Variants in CSMD1 observed in about 807,000 individuals in gnomAD.
CSMD1 encodes CUB and sushi domain-containing protein 1.
Under a neutral mutation model 417.5 loss-of-function variants are expected in CSMD1, and 213 were observed. That is an observed-to-expected ratio of 0.51 (90% CI 0.46 to 0.57). The LOEUF (loss-of-function observed/expected upper bound fraction) is 0.57, where lower values mean the gene tolerates loss of function less well. CSMD1 is among the 20% of genes least tolerant of loss of function. The probability of loss-of-function intolerance (pLI) is 0.00; values close to 1 mark genes in which losing one functional copy is unlikely to be tolerated. For synonymous variants in CSMD1, 2,862 were observed against 1,736.8 expected (o/e 1.65, Z -16.11); for missense variants, 6,923 against 4,529.7 (o/e 1.53, Z -15.17).
chr8:4,451,995 T>G (rs1045114912), intron 2 of CSMD1, among the ~76,000 whole-genome samples: 11 of 150,100 alleles, frequency 7.3e-5, no homozygotes, highest in African/African-American at 2.7e-4. Flanking sequence ...GTTTGATATA[T>G]ATATAATGAA....
intron 5 of CSMD1, among the ~76,000 whole-genome samples, chr8:3,923,340 A>T (rs1190369257): frequency 1.3e-5 from 2 of 152,056 alleles, no homozygotes; most frequent in African/African-American, 4.8e-5. Flanking sequence ...ATACATCCAC[A>T]TACGTATATT....
intron 3 of CSMD1, among the ~76,000 whole-genome samples, chr8:4,095,505 G>T (rs1193158270): frequency 1.3e-5 from 2 of 152,186 alleles, no homozygotes; most frequent in African/African-American, 4.8e-5. Context: ...ATTTGAAGTG[G>T]AAAGAATGTC....
chr8:4,059,712 C>T (rs994769936), intron 3 of CSMD1, among the ~76,000 whole-genome samples: 4 of 152,130 alleles, frequency 2.6e-5, no homozygotes, highest in Admixed American at 6.6e-5. Flanking sequence ...ATAATTTCCT[C>T]GACACCTACA....
Position 2,960,965 on chromosome 8 carries a change from T to TATATATATATATAC in CSMD1, c.9702+175_9702+176insGTATATATATATAT, listed in dbSNP as rs1462555176. Among the ~76,000 whole-genome samples, 24 of 131,060 alleles carry TATATATATATATAC rather than the reference T, an allele frequency of 1.8e-4. 1 individual carries two copies. Among genetic ancestry groups the TATATATATATATAC allele is most frequent in the African/African-American group, 7.4e-4 (21 of 28,334 alleles). 86.0% of individuals were successfully genotyped at this position (131,060 alleles called of 152,430 possible). ...ATATATATATATATATATATATATA[T>TATATATATATATAC]ACATATATTGATTTTGACAGTTAAA... is the stretch of plus-strand genomic sequence containing the variant. On this transcript the variant is annotated intron_variant, in intron 62 of 69. Transcript: ENST00000635120.
At chr8:3,741,458 G>A (rs918289903) in intron 6 of CSMD1, among the ~76,000 whole-genome samples, 1 of 152,122 alleles carries the variant, frequency 6.6e-6, no homozygotes, top group African/African-American at 2.4e-5. Context: ...TCATGACAGA[G>A]GGAGTAGCAA....
chr8:3,470,251 T>C (rs1346735074), intron 11 of CSMD1, among the ~76,000 whole-genome samples: 2 of 152,236 alleles, frequency 1.3e-5, no homozygotes, highest in Non-Finnish European at 2.9e-5. Flanking sequence ...GTATTCATGT[T>C]ATTGTTTGTA....
chr8:3,013,426 T>C (rs1354835451), intron 52 of CSMD1, among the ~76,000 whole-genome samples: 2 of 152,184 alleles, frequency 1.3e-5, no homozygotes, highest in Admixed American at 6.5e-5. Flanking sequence ...TATGAATGAC[T>C]ACTTTACTTT....
intron 4 of CSMD1, among the ~76,000 whole-genome samples, chr8:3,999,498 G>A (rs767192471): frequency 3.7e-4 from 56 of 152,150 alleles, no homozygotes; most frequent in Admixed American, 2.0e-4. Context: ...CGTCAAAATA[G>A]AACCAATCTT....
At chr8:4,112,039 T>C (rs183460200) in intron 3 of CSMD1, among the ~76,000 whole-genome samples, 45 of 152,302 alleles carry the variant, frequency 3.0e-4, no homozygotes, top group Middle Eastern at 3.4e-3. Flanking sequence ...AAAAATCTAC[T>C]TTATGTTAAC....
intron 5 of CSMD1, among the ~76,000 whole-genome samples, chr8:3,878,938 C>T (rs143901275): frequency 4.1e-4 from 63 of 152,230 alleles, no homozygotes; most frequent in African/African-American, 1.5e-3. Flanking sequence ...CAGAAAATAA[C>T]TTTAATATAT....
chr8:4,925,794 T>G (rs1456528632), intron 1 of CSMD1, among the ~76,000 whole-genome samples: 2 of 152,048 alleles, frequency 1.3e-5, no homozygotes, highest in Non-Finnish European at 2.9e-5. Context: ...TGATCCGCCC[T>G]CCTCGGCCTC....
intron 23 of CSMD1, among the ~76,000 whole-genome samples, chr8:3,336,180 G>A (rs1373540720): frequency 2.0e-5 from 3 of 152,072 alleles, no homozygotes; most frequent in Admixed American, 6.5e-5. Context: ...TAACTGTGGG[G>A]TTTTCATCAG....
At chr8:4,937,750 G>C (rs930911919) in intron 1 of CSMD1, among the ~76,000 whole-genome samples, 1 of 151,670 alleles carries the variant, frequency 6.6e-6, no homozygotes, top group Admixed American at 6.6e-5. Context: ...AGTGTGATCT[G>C]ATCTAGAGAG....
At chr8:3,782,986 G>C (rs1347627400) in intron 5 of CSMD1, among the ~76,000 whole-genome samples, 1 of 152,156 alleles carries the variant, frequency 6.6e-6, no homozygotes, top group Non-Finnish European at 1.5e-5. Flanking sequence ...TTAGCTATAA[G>C]CAAAATTAAG....
chr8:3,197,496 C>T (rs113580454), intron 33 of CSMD1, among the ~76,000 whole-genome samples: 6,171 of 146,142 alleles, frequency 0.042, 420 homozygotes, highest in African/African-American at 0.15. Context: ...GACGGAGTCT[C>T]GCTCTGTCAC....
intron 25 of CSMD1, among the ~76,000 whole-genome samples, chr8:3,293,019 C>T (rs1027319594): frequency 1.3e-5 from 2 of 151,798 alleles, no homozygotes; most frequent in Admixed American, 1.3e-4. Context: ...TAGGGCAGGC[C>T]TGGTGGTGAC....
chr8:3,917,388 C>T (rs985195369), intron 5 of CSMD1, among the ~76,000 whole-genome samples: 3 of 148,752 alleles, frequency 2.0e-5, no homozygotes, highest in African/African-American at 5.0e-5. Context: ...CTTCCCTCTA[C>T]AGGAGTTTGG....
chr8:4,018,346 C>T (rs1020716851), intron 4 of CSMD1, among the ~76,000 whole-genome samples: 50 of 152,158 alleles, frequency 3.3e-4, no homozygotes, highest in African/African-American at 1.1e-3. Flanking sequence ...TCATTTTCAT[C>T]CACAAATAAT....
chr8:3,855,312 TTATC>T (rs1161158464), intron 5 of CSMD1, among the ~76,000 whole-genome samples: 1 of 152,116 alleles, frequency 6.6e-6, no homozygotes, highest in East Asian at 1.9e-4. Flanking sequence ...GCATTAAAAA[TTATC>T]TATATTTTTT....
Sources: allele counts gnomAD v4.1 joint callset (sites outside exome capture counted in the v4.1 genomes callset), GRCh38; gene constraint gnomAD v4.1.1; transcripts MANE v1.5; gene names NCBI Gene and HGNC (gene_info 2026-07-23, HGNC 2026-07-21).